Variants in MLPH observed in about 807,000 individuals in gnomAD.
MLPH encodes the protein melanophilin, also known as exophilin-3.
MLPH carries 51 observed loss-of-function variants against 72.1 expected under a neutral mutation model. The ratio of observed to expected loss-of-function variants is 0.71; its 90% confidence interval spans 0.56 to 0.89. MLPH has a LOEUF of 0.89. Among genes scored for constraint, MLPH ranks in the 40% least tolerant of loss-of-function variants. The pLI, the probability that MLPH is intolerant of heterozygous loss-of-function variation, is 0.00. For missense variants in MLPH, 743 were observed against 759.9 expected (o/e 0.98, Z 0.26); for synonymous variants, 301 against 310.1 (o/e 0.97, Z 0.31).
rs2080103067 is a variant in MLPH, at chr2:237,518,538, G to C, written c.446-1G>C. ...TGGAGTCATGCAGGTATCTATTGCA[G>C]CTGGGCCTGAACTGATATCTGAAGA... is the stretch of plus-strand genomic sequence containing the variant. On this transcript the variant is annotated splice_acceptor_variant, in intron 4 of 15. Coordinates refer to ENST00000264605, the MANE Select transcript of MLPH (RefSeq NM_024101.7). LOFTEE classifies it high-confidence loss of function. The C allele has an allele frequency of 6.2e-7, 1 of 1,611,588 alleles. No individual in the cohort carries two copies.
chr2:237,551,661 G>A (rs1294548605), intron 14 of MLPH, among the ~76,000 whole-genome samples: 1 of 152,220 alleles, frequency 6.6e-6, no homozygotes, highest in Non-Finnish European at 1.5e-5. Context: ...AGACCCCTTG[G>A]GCTGTTGCCG....
rs959166254 is a variant in MLPH, at chr2:237,542,427, G to A, written c.1447-140G>A. On this transcript the variant is annotated intron_variant, in intron 11 of 15. Coordinates refer to ENST00000264605, the MANE Select transcript of MLPH (RefSeq NM_024101.7). ...GGACCACCAACATGGGCATGGGGCT[G>A]TGATGCCAATCTTAAGGGAAAACAC... is the stretch of plus-strand genomic sequence containing the variant. 6 of 733,014 alleles carry A rather than the reference G, an allele frequency of 8.2e-6. No individual in the cohort carries two copies. In the African/African-American group the frequency reaches 8.7e-5, roughly 11 times the overall value. 45.4% of individuals were successfully genotyped at this position (733,014 alleles called of 1,614,324 possible).
At chr2:237,519,164 C>A (rs961536878) in intron 5 of MLPH, among the ~76,000 whole-genome samples, 1 of 151,776 alleles carries the variant, frequency 6.6e-6, no homozygotes, top group African/African-American at 2.4e-5. Context: ...GCGAGACAAA[C>A]GAGGTAACAC....
chr2:237,545,391 G>A, intron 12 of MLPH: 1 of 1,227,638 alleles, frequency 8.1e-7, no homozygotes, highest in Non-Finnish European at 1.1e-6. Context: ...CTCATAGCCA[G>A]TTAGCCAGCT....
Position 237,542,666 on chromosome 2 carries a change from G to A in MLPH, c.1539+7G>A, listed in dbSNP as rs572610131. On this transcript the variant is annotated splice_region_variant and intron_variant, in intron 12 of 15. Coordinates refer to ENST00000264605, the MANE Select transcript of MLPH (RefSeq NM_024101.7). The stretch of plus-strand genomic sequence containing the variant: ...GAGGAAGTCAAACCTCCCGGTGAGT[G>A]GGGGGCAGTGGTGAGTGGAGACAGT... 1.7e-5 allele frequency: 27 copies of A among 1,556,976 alleles called. No homozygotes were observed. Among genetic ancestry groups the A allele is most frequent in the Admixed American group, 3.8e-5 (2 of 52,218 alleles).
intron 9 of MLPH, among the ~76,000 whole-genome samples, chr2:237,538,197 C>A (rs911270765): frequency 5.3e-5 from 8 of 152,176 alleles, no homozygotes; most frequent in African/African-American, 1.9e-4. Context: ...AGGCAGGAAA[C>A]ACGCAACTGC....
chr2:237,522,388 A>C (rs1286021915), intron 6 of MLPH, among the ~76,000 whole-genome samples: 1 of 112,226 alleles, frequency 8.9e-6, no homozygotes, highest in Non-Finnish European at 1.8e-5. Context: ...TTGGACCTTC[A>C]AACACCTGCT....
chr2:237,519,489 A>G (rs61213635), intron 5 of MLPH, among the ~76,000 whole-genome samples: 37,949 of 152,176 alleles, frequency 0.25, 6,029 homozygotes, highest in African/African-American at 0.45. Flanking sequence ...CATCTAAAGA[A>G]CAAGGAACTA....
chr2:237,500,212 G>A (rs569038582), intron 2 of MLPH, among the ~76,000 whole-genome samples: 15 of 152,044 alleles, frequency 9.9e-5, no homozygotes, highest in East Asian at 3.9e-4. Context: ...ATTCCCTTTC[G>A]CAGGGTCGAG....
chr2:237,504,808 T>G (rs2079729687), intron 2 of MLPH, among the ~76,000 whole-genome samples: 1 of 152,208 alleles, frequency 6.6e-6, no homozygotes, highest in African/African-American at 2.4e-5. Context: ...AGAGTTTTCC[T>G]GTGTTGTTAG....
chr2:237,518,628 G>GCCCAGT lies in MLPH; in HGVS notation c.540_541insTCCCAG (p.Gln180_Pro181insSerGln), dbSNP rs2080106272. ...ACCTGGCTCAGAGGCCCAGGCCCAG[G>GCCCAGT]CCCAGCCCTTTGGCAGCAAAGTAAG... On this transcript the variant is annotated inframe_insertion, in exon 5 of 16. Coordinates refer to ENST00000264605, the MANE Select transcript of MLPH (RefSeq NM_024101.7). 3 of 1,613,186 alleles carry GCCCAGT rather than the reference G, an allele frequency of 1.9e-6. No homozygotes were observed. Among genetic ancestry groups the GCCCAGT allele is most frequent in the Middle Eastern group, 1.7e-4 (1 of 5,750 alleles).
At position 237,541,124 on chromosome 2, in the gene MLPH, G is replaced by A. The variant is rs2080672276; in HGVS notation, c.1446+167G>A. On this transcript the variant is annotated intron_variant, in intron 11 of 15. Transcript: ENST00000264605. This position sits in a 1 kb window ranked among gnomAD's most constrained non-coding sequence, Gnocchi z 5.1. ...GCCAGGCATGAACCTGGGGGTTTCTGGGGGACTCACCTAATTCGCCACCCC... is the reference window on the plus strand; with the variant it reads ...GCCAGGCATGAACCTGGGGGTTTCTAGGGGACTCACCTAATTCGCCACCCC... 6.6e-6 allele frequency among the ~76,000 whole-genome samples: 1 copy of A among 152,122 alleles called. No homozygotes were observed. Among genetic ancestry groups the A allele is most frequent in the African/African-American group, 2.4e-5 (1 of 41,432 alleles).
At chr2:237,537,969 G>A (rs75428517) in intron 9 of MLPH, among the ~76,000 whole-genome samples, 3,969 of 152,310 alleles carry the variant, frequency 0.026, 68 homozygotes, top group Middle Eastern at 0.044. Context: ...CTCGGAATGT[G>A]GGATGGATGA....
chr2:237,502,991 C>G (rs1436038431), intron 2 of MLPH, among the ~76,000 whole-genome samples: 1 of 151,986 alleles, frequency 6.6e-6, no homozygotes, highest in African/African-American at 2.4e-5. Context: ...TGATGGCAGG[C>G]GCCTGTTGTC....
Position 237,505,529 on chromosome 2 carries a change from C to G in MLPH, c.111-5045C>G, listed in dbSNP as rs1220687767. ...GGATGGCCACAGTGGGAGCTTCCCC[C>G]TGCTGTGCCTTCAGGGGTGGCCACC... is the stretch of plus-strand genomic sequence containing the variant. On this transcript the variant is annotated intron_variant, in intron 2 of 15. Transcript: ENST00000264605. This position sits in a 1 kb window ranked among gnomAD's most constrained non-coding sequence, Gnocchi z 4.5. Among the ~76,000 whole-genome samples, 1 of 152,224 alleles carries G rather than the reference C, an allele frequency of 6.6e-6. No homozygotes were observed.
intron 9 of MLPH, among the ~76,000 whole-genome samples, chr2:237,539,890 G>A (rs1265990066): frequency 6.6e-6 from 1 of 152,146 alleles, no homozygotes; most frequent in Non-Finnish European, 1.5e-5. Context: ...CACAGCAGCT[G>A]CTAAATGAAT....
intron 1 of MLPH, among the ~76,000 whole-genome samples, chr2:237,492,121 C>T (rs2079439938): frequency 6.6e-6 from 1 of 152,184 alleles, no homozygotes; most frequent in Non-Finnish European, 1.5e-5. Flanking sequence ...AGTCCACGAA[C>T]CACATTTTGA....
At chr2:237,548,518 T>C (rs1030205516) in intron 13 of MLPH, among the ~76,000 whole-genome samples, 1 of 152,198 alleles carries the variant, frequency 6.6e-6, no homozygotes, top group East Asian at 1.9e-4. Context: ...CCAGTATCCC[T>C]GTAAAGAGAG....
At chr2:237,545,204 G>C (rs112512868) in intron 12 of MLPH, among the ~76,000 whole-genome samples, 3 of 82,150 alleles carry the variant, frequency 3.7e-5, no homozygotes, top group Admixed American at 2.5e-4. Flanking sequence ...GGTGAGTGGG[G>C]ACAGTGGTGA....
Sources: gnomAD v4.1 joint callset for allele counts (sites outside exome capture counted in the v4.1 genomes callset) on GRCh38, gnomAD v4.1.1 for gene constraint, Gnocchi (gnomAD v3.1) non-coding constraint, MANE v1.5 for transcripts, NCBI Gene and HGNC (gene_info 2026-07-23, HGNC 2026-07-21) for gene names.